Variants in CA10 observed in about 807,000 individuals in gnomAD.
CA10 encodes the protein carbonic anhydrase 10 (inactive), also known as carbonic anhydrase-related protein 10.
Under a neutral mutation model 44.2 loss-of-function variants are expected in CA10, and 14 were observed. The observed-to-expected ratio is 0.32, with a 90% CI of 0.21 to 0.50. The LOEUF is 0.50. Among genes scored for constraint, CA10 ranks in the 20% least tolerant of loss-of-function variants. The probability of loss-of-function intolerance (pLI) is 0.99; values close to 1 mark genes in which losing one functional copy is unlikely to be tolerated. For synonymous variants in CA10, 159 were observed against 141.6 expected, an observed-to-expected ratio of 1.12 and a Z score of -0.87; for missense variants, 350 against 409.7, an observed-to-expected ratio of 0.85 and a Z score of 1.26.
At chr17:51,943,955 G>A (rs1041013797) in intron 2 of CA10, among the ~76,000 whole-genome samples, 30 of 152,126 alleles carry the variant, frequency 2.0e-4, no homozygotes, top group Non-Finnish European at 5.9e-5. Context: ...CCCCTTGAGA[G>A]AGTTACAGAA....
chr17:51,773,041 C>G (rs1225432297), intron 3 of CA10, among the ~76,000 whole-genome samples: 13 of 152,192 alleles, frequency 8.5e-5, no homozygotes, highest in Admixed American at 8.5e-4. Context: ...GCCATAAGCT[C>G]CTTCAAGACA....
At chr17:51,990,584 G>C (rs902935157) in intron 2 of CA10, among the ~76,000 whole-genome samples, 2 of 152,010 alleles carry the variant, frequency 1.3e-5, no homozygotes, top group African/African-American at 4.8e-5. Flanking sequence ...TTGATATCTA[G>C]GTGGTAAATT....
At chr17:51,935,388 T>C (rs920576989) in intron 2 of CA10, among the ~76,000 whole-genome samples, 4 of 152,136 alleles carry the variant, frequency 2.6e-5, no homozygotes, top group African/African-American at 9.6e-5. Context: ...AAAATGTAAA[T>C]AAAGCAAAAT....
intron 4 of CA10, among the ~76,000 whole-genome samples, chr17:51,666,601 C>A (rs1448082361): frequency 6.6e-6 from 1 of 152,086 alleles, no homozygotes; most frequent in Non-Finnish European, 1.5e-5. Context: ...CAGAGCCTGC[C>A]CAGGTTCTTG....
In CA10 at chr17:52,157,912, C is replaced by A. The variant is rs947230811; in HGVS notation, c.-126G>T. 5 of 772,212 alleles carry A rather than the reference C, an allele frequency of 6.5e-6. No individual in the cohort carries two copies. In the African/African-American group the frequency reaches 8.5e-5, roughly 13 times the overall value. The allele number at this position is 772,212 out of a possible 1,614,324, so 47.8% of individuals were successfully genotyped here. A position where few individuals can be genotyped will look rare whatever the true frequency, so the allele number is the denominator to read the frequency against. Reference sequence around the variant, plus strand: ...GCGAGTGCACACTCGCACTCCCACCCGACAGCCGGCCAGGGACAGTCACCC... The same window carrying A: ...GCGAGTGCACACTCGCACTCCCACCAGACAGCCGGCCAGGGACAGTCACCC... On this transcript the variant is annotated 5_prime_UTR_variant, in exon 1 of 9. Coordinates refer to ENST00000451037, the MANE Select transcript of CA10 (RefSeq NM_020178.5).
chr17:51,735,830 T>A (rs1486577556), intron 4 of CA10, among the ~76,000 whole-genome samples: 4 of 147,132 alleles, frequency 2.7e-5, no homozygotes, highest in African/African-American at 2.5e-5. Flanking sequence ...AAAAACAAAG[T>A]AAAAAAAAAA....
chr17:51,898,152 A>T (rs1981153735), intron 3 of CA10, among the ~76,000 whole-genome samples: 1 of 152,116 alleles, frequency 6.6e-6, no homozygotes, highest in Non-Finnish European at 1.5e-5. Flanking sequence ...CTGCTTCTCA[A>T]GGGGAATTCT....
chr17:51,730,640 A>G (rs1043318787), intron 4 of CA10, among the ~76,000 whole-genome samples: 2 of 152,230 alleles, frequency 1.3e-5, no homozygotes, highest in Non-Finnish European at 2.9e-5. Context: ...CCAGTATGAA[A>G]AAAATGCATC....
At chr17:51,879,160 G>A (rs941161836) in intron 3 of CA10, among the ~76,000 whole-genome samples, 1 of 151,492 alleles carries the variant, frequency 6.6e-6, no homozygotes, top group Non-Finnish European at 1.5e-5. Context: ...CTTATCAGTT[G>A]GTTATCACAC....
chr17:51,987,527 T>TA (rs973651560), intron 2 of CA10, among the ~76,000 whole-genome samples: 1 of 151,266 alleles, frequency 6.6e-6, no homozygotes, highest in Admixed American at 6.6e-5. Context: ...CTTGTGGAAA[T>TA]AAAAAAATTT....
chr17:51,648,458 C>T (rs1419082898), intron 6 of CA10, among the ~76,000 whole-genome samples: 5 of 152,168 alleles, frequency 3.3e-5, no homozygotes, highest in African/African-American at 1.2e-4. Flanking sequence ...ATCCCAGTAT[C>T]CTACTCGCTC....
intron 2 of CA10, among the ~76,000 whole-genome samples, chr17:52,038,005 A>G (rs1986666107): frequency 6.6e-6 from 1 of 151,532 alleles, no homozygotes; most frequent in South Asian, 2.1e-4. Flanking sequence ...GTGAAAAACT[A>G]CTCCCTCTCT....
intron 1 of CA10, among the ~76,000 whole-genome samples, chr17:52,079,572 T>C (rs1987911592): frequency 6.6e-6 from 1 of 152,168 alleles, no homozygotes; most frequent in Non-Finnish European, 1.5e-5. Context: ...TTATACCAAC[T>C]TGCAGTCCAG....
At chr17:51,633,897 G>T (rs545641791) in intron 7 of CA10, among the ~76,000 whole-genome samples, 1 of 152,240 alleles carries the variant, frequency 6.6e-6, no homozygotes, top group African/African-American at 2.4e-5. Flanking sequence ...AGTCACTTGC[G>T]CTCTCTCACC....
At chr17:51,714,151 A>G (rs1318932091) in intron 4 of CA10, among the ~76,000 whole-genome samples, 3 of 152,144 alleles carry the variant, frequency 2.0e-5, no homozygotes, top group Admixed American at 1.3e-4. Flanking sequence ...CCTCCATAAA[A>G]GGTACTTCAG....
At chr17:51,908,602 TG>T (rs931912341) in intron 3 of CA10, among the ~76,000 whole-genome samples, 4 of 150,128 alleles carry the variant, frequency 2.7e-5, no homozygotes, top group East Asian at 3.9e-4. Context: ...TTAGACACTT[TG>T]GTATTAGCTA....
intron 3 of CA10, among the ~76,000 whole-genome samples, chr17:51,766,098 A>G (rs1297626566): frequency 1.3e-5 from 2 of 152,162 alleles, no homozygotes; most frequent in African/African-American, 4.8e-5. Flanking sequence ...GTTGCCTACG[A>G]GGTATGAGAA....
At chr17:52,124,455 G>A (rs150156843) in intron 1 of CA10, among the ~76,000 whole-genome samples, 1 of 152,268 alleles carries the variant, frequency 6.6e-6, no homozygotes, top group Non-Finnish European at 1.5e-5. Flanking sequence ...ATGGTATACA[G>A]CATGCAGTTG....
At chr17:51,914,461 G>A (rs762793504) in intron 3 of CA10, among the ~76,000 whole-genome samples, 2 of 152,118 alleles carry the variant, frequency 1.3e-5, no homozygotes, top group Non-Finnish European at 2.9e-5. Context: ...AATTCACTAT[G>A]TGATTTGCCA....
Sources: allele counts gnomAD v4.1 joint callset (sites outside exome capture counted in the v4.1 genomes callset), GRCh38; gene constraint gnomAD v4.1.1; transcripts MANE v1.5; gene names NCBI Gene and HGNC (gene_info 2026-07-23, HGNC 2026-07-21).